The following EP400 variants were observed in gnomAD, a reference collection of about 807,000 sequenced individuals.
EP400 encodes the protein E1A-binding protein p400.
EP400 carries 105 observed loss-of-function variants against 354.1 expected under a neutral mutation model. The ratio of observed to expected loss-of-function variants is 0.30; its 90% CI spans 0.25 to 0.35. EP400 has a LOEUF of 0.35. EP400 is among the 10% of genes least tolerant of loss of function. The probability of loss-of-function intolerance (pLI) is 1.00; values close to 1 mark genes in which losing one functional copy is unlikely to be tolerated. For missense variants in EP400, 3,280 were observed against 4,121.0 expected (o/e 0.80, Z 5.59); for synonymous variants, 1,646 against 1,716.9 (o/e 0.96, Z 1.02).
chr12:132,058,194 G>C (rs1895577374), intron 45 of EP400, among the ~76,000 whole-genome samples: 1 of 152,116 alleles, frequency 6.6e-6, no homozygotes, highest in East Asian at 1.9e-4. Context: ...CATGGAGAAT[G>C]GCATGTTGTT....
intron 12 of EP400, among the ~76,000 whole-genome samples, chr12:131,996,484 G>T (rs1465390085): frequency 6.6e-6 from 1 of 151,836 alleles, no homozygotes; most frequent in Non-Finnish European, 1.5e-5. Context: ...GTAGAGATGG[G>T]GTTTCACCAT....
chr12:132,078,840 C>T lies in EP400; in HGVS notation c.*1167C>T, dbSNP rs1446125461. The T allele has an allele frequency of 2.6e-5, 4 of 152,224 alleles. No individual in the cohort carries two copies. The highest frequency in any genetic ancestry group is 1.9e-4 in the East Asian group (1 of 5,204). 9.4% of individuals were successfully genotyped at this position (152,224 alleles called of 1,614,324 possible). The stretch of plus-strand genomic sequence containing the variant: ...GAAGGCGTGCCGTTGAGGGGGAAAA[C>T]GAAGCCCAGTATTTGCTACTGTTTT... On this transcript the variant is annotated 3_prime_UTR_variant, in exon 53 of 53. Transcript: ENST00000389561.
chr12:131,954,592 G>A (rs1057080032), intron 1 of EP400, among the ~76,000 whole-genome samples: 11 of 152,084 alleles, frequency 7.2e-5, no homozygotes, highest in Non-Finnish European at 1.5e-4. Flanking sequence ...GGGCGTGGTG[G>A]TGTACGCCTG....
intron 1 of EP400, among the ~76,000 whole-genome samples, chr12:131,955,194 G>T (rs1233620430): frequency 2.0e-5 from 3 of 152,156 alleles, no homozygotes; most frequent in African/African-American, 7.2e-5. Flanking sequence ...CATTATAGTT[G>T]ATTGTCTTTG....
chr12:132,072,402 T>C (rs538749157), intron 51 of EP400, among the ~76,000 whole-genome samples: 1 of 152,352 alleles, frequency 6.6e-6, no homozygotes, highest in African/African-American at 2.4e-5. Flanking sequence ...TGAATTTCCA[T>C]TTTGATTTCT....
At chr12:132,069,243 G>C (rs1259466343) in intron 50 of EP400, 1 of 474,960 alleles carries the variant, frequency 2.1e-6, no homozygotes, top group Non-Finnish European at 3.7e-6. Context: ...TGTCCCGGGT[G>C]GGGTGGGCTG....
Position 132,027,898 on chromosome 12 carries a change from C to T in EP400, c.5110-119C>T, listed in dbSNP as rs1038370904. ...ATCTCTATTTCCTGTAACACAAGAC[C>T]GGGGATATTGAAGTGGATCTCATAT... On this transcript the variant is annotated intron_variant, in intron 26 of 52. Coordinates refer to ENST00000389561, the MANE Select transcript of EP400 (RefSeq NM_015409.5). This position sits in a 1 kb window ranked among gnomAD's most constrained non-coding sequence, Gnocchi z 4.9. 7 of 1,054,494 alleles carry T rather than the reference C, an allele frequency of 6.6e-6. No individual in the cohort carries two copies. Among genetic ancestry groups the T allele is most frequent in the South Asian group, 1.6e-5 (1 of 62,472 alleles). The allele number at this position is 1,054,494 out of a possible 1,614,324, so 65.3% of individuals were successfully genotyped here.
intron 44 of EP400, 34 bp downstream of exon 44, chr12:132,055,053 C>T: frequency 1.2e-6 from 2 of 1,613,792 alleles, no homozygotes; most frequent in South Asian, 1.1e-5. Flanking sequence ...AAATGTGGAC[C>T]CCATTTCTCC....
chr12:132,044,870 A>G lies in EP400; in HGVS notation c.6701A>G (p.Tyr2234Cys), dbSNP rs1380669041. Residue 2234 changes from tyrosine to cysteine, a missense_variant, in exon 37 of 53, where the codon TAT (tyrosine) becomes TGT (cysteine). By Grantham distance (194) the Tyr-to-Cys change is radical (BLOSUM62 -2). Transcript: ENST00000389561. ...CTCGACTCGGTCATGTGTCTCATGT[A>G]TGAAGCCACTCCCATCCCAGAGGCT... The part of the protein sequence containing the change: ...IYLDSVMCLM[Y>C]EATPIPEAKL... 2 of 1,614,162 alleles carry G rather than the reference A, an allele frequency of 1.2e-6. No homozygotes were observed. The highest frequency in any genetic ancestry group is 1.7e-6 in the Non-Finnish European group (2 of 1,180,024).
chr12:132,069,042 A>G (rs1456905338), intron 50 of EP400: 1 of 160,242 alleles, frequency 6.2e-6, no homozygotes, highest in African/African-American at 2.4e-5. Context: ...CGTCAGATGT[A>G]CACAATATGA....
chr12:131,997,144 T>A lies in EP400; in HGVS notation c.2827+2188T>A, dbSNP rs142606109. On this transcript the variant is annotated intron_variant, in intron 12 of 52. Coordinates refer to ENST00000389561, the MANE Select transcript of EP400 (RefSeq NM_015409.5). ...GGAGTGCCAACCCGCCCCCACCACC[T>A]GCACTGTTGAAAATTTGCATATAGC... 4.0e-4 allele frequency among the ~76,000 whole-genome samples: 60 copies of A among 149,978 alleles called. 1 individual carries two copies. Among genetic ancestry groups the A allele is most frequent in the African/African-American group, 1.3e-3 (53 of 41,270 alleles).
chr12:131,974,987 C>CAAAAAA (rs764013155), intron 2 of EP400, among the ~76,000 whole-genome samples: 4 of 43,282 alleles, frequency 9.2e-5, no homozygotes, highest in Non-Finnish European at 1.5e-4. Context: ...GACTCCATCT[C>CAAAAAA]AAAAAAAAAA....
At chr12:131,979,104 C>A (rs998741734) in intron 2 of EP400, among the ~76,000 whole-genome samples, 1 of 151,724 alleles carries the variant, frequency 6.6e-6, no homozygotes, top group African/African-American at 2.4e-5. Context: ...GTAGTCCCAG[C>A]TACTCGGGAG....
chr12:131,965,823 C>G (rs1892055897), intron 2 of EP400, among the ~76,000 whole-genome samples: 1 of 152,076 alleles, frequency 6.6e-6, no homozygotes. Context: ...GAGTGCTATT[C>G]CATTGTGTGA....
In EP400 at chr12:132,011,609, A is replaced by G; in HGVS notation, c.3416A>G (p.His1139Arg). The change falls in exon 16 of 53, where the codon CAC becomes CGC. Residue 1139 changes from histidine (H) to arginine (R), a missense_variant. This residue lies in a region of EP400 where 242 missense variants were observed against 357.9 expected (regional missense o/e 0.68). Coordinates refer to ENST00000389561, the MANE Select transcript of EP400 (RefSeq NM_015409.5). ...AAAATCCTCTCATATATTGGCAGCC[A>G]CAGAGAACTCAAAGCAAAGAGACAG... ...GLKILSYIGSHRELKAKRQEW... is the reference protein window; with the variant it reads ...GLKILSYIGSRRELKAKRQEW... 1.9e-6 allele frequency: 3 copies of G among 1,611,802 alleles called. No individual in the cohort carries two copies. The highest frequency in any genetic ancestry group is 2.5e-6 in the Non-Finnish European group (3 of 1,179,296).
intron 1 of EP400, among the ~76,000 whole-genome samples, chr12:131,959,168 G>C (rs1177649784): frequency 6.6e-6 from 1 of 152,120 alleles, no homozygotes; most frequent in African/African-American, 2.4e-5. Flanking sequence ...TGCTTCCCTT[G>C]AAAACTTGAA....
At chr12:132,073,479 A>G (rs182099113) in intron 51 of EP400, among the ~76,000 whole-genome samples, 307 of 73,342 alleles carry the variant, frequency 4.2e-3, no homozygotes, top group Non-Finnish European at 4.0e-3. Flanking sequence ...TTTTTGACAC[A>G]GTCTTGCTCC....
chr12:131,991,535 C>T, intron 10 of EP400, 79 bp downstream of exon 10: 1 of 1,302,734 alleles, frequency 7.7e-7, no homozygotes, highest in Non-Finnish European at 1.1e-6. Flanking sequence ...CATTCTTATC[C>T]AGAGGAATTT....
intron 41 of EP400, among the ~76,000 whole-genome samples, chr12:132,051,767 C>A (rs1895298983): frequency 6.6e-6 from 1 of 151,950 alleles, no homozygotes. Flanking sequence ...AATGTCAGGC[C>A]CTCCACAAGA....
Sources: gnomAD v4.1 joint callset for allele counts (sites outside exome capture counted in the v4.1 genomes callset) on GRCh38, gnomAD v4.1.1 for gene constraint, gnomAD v4.1.1 regional missense constraint, Gnocchi (gnomAD v3.1) non-coding constraint, MANE v1.5 for transcripts, NCBI Gene and HGNC (gene_info 2026-07-23, HGNC 2026-07-21) for gene names.